The following KCNC2 variants were observed in gnomAD, a reference collection of about 807,000 sequenced individuals.
KCNC2 encodes the protein voltage-gated potassium channel KCNC2.
KCNC2 carries 21 observed loss-of-function variants against 44.5 expected under a neutral mutation model. The observed-to-expected ratio is 0.47, with a 90% CI of 0.33 to 0.68. The LOEUF (loss-of-function observed/expected upper bound fraction) is 0.68, where lower values mean the gene tolerates loss of function less well. Ranked by LOEUF, KCNC2 falls within the 30% of genes least tolerant of loss-of-function variation. The pLI, the probability that KCNC2 is intolerant of heterozygous loss-of-function variation, is 0.01. For synonymous variants in KCNC2, 391 were observed against 339.1 expected (o/e 1.15, Z -1.68); for missense variants, 589 against 826.2 (o/e 0.71, Z 3.52).
intron 2 of KCNC2, among the ~76,000 whole-genome samples, chr12:75,088,195 A>T (rs979639822): frequency 7.9e-5 from 12 of 152,084 alleles, no homozygotes; most frequent in African/African-American, 2.9e-4. Flanking sequence ...TATTTAGCAC[A>T]GGGTCTGGCA....
intron 2 of KCNC2, among the ~76,000 whole-genome samples, chr12:75,184,586 G>A (rs1389748037): frequency 6.6e-6 from 1 of 152,140 alleles, no homozygotes. Flanking sequence ...GAGCTGGTAT[G>A]TGCTCAGATC....
At chr12:75,104,090 G>A (rs1886588020) in intron 2 of KCNC2, among the ~76,000 whole-genome samples, 1 of 151,678 alleles carries the variant, frequency 6.6e-6, no homozygotes, top group East Asian at 2.0e-4. Flanking sequence ...ACATGATGAG[G>A]TGAAGTGAGG....
intron 2 of KCNC2, among the ~76,000 whole-genome samples, chr12:75,080,402 A>G (rs568006429): frequency 1.3e-5 from 2 of 152,242 alleles, no homozygotes; most frequent in South Asian, 4.1e-4. Context: ...AAAAGTATAA[A>G]AAGAAGGAGA....
intron 2 of KCNC2, among the ~76,000 whole-genome samples, chr12:75,153,058 G>A (rs1026399233): frequency 6.6e-6 from 1 of 151,908 alleles, no homozygotes; most frequent in Non-Finnish European, 1.5e-5. Flanking sequence ...GTATCGTGAA[G>A]TAAATTCAGA....
Position 75,145,447 on chromosome 12 carries a change from C to T in KCNC2, c.687+61850G>A, listed in dbSNP as rs569996317. Reference sequence around the variant, plus strand: ...TAAGCCAGCTACATTAAGCTCATATCCTATTTTCTTTTCTTTTATTAAAAA... The same window carrying T: ...TAAGCCAGCTACATTAAGCTCATATTCTATTTTCTTTTCTTTTATTAAAAA... On this transcript the variant is annotated intron_variant, in intron 2 of 4. Coordinates refer to ENST00000549446, the MANE Select transcript of KCNC2 (RefSeq NM_139137.4). Among the ~76,000 whole-genome samples, 8 of 150,138 alleles carry T rather than the reference C, an allele frequency of 5.3e-5. No homozygotes were observed. The East Asian group carries it at 1.6e-3, about 30-fold the overall frequency.
chr12:75,156,422 C>G (rs1890764039), intron 2 of KCNC2, among the ~76,000 whole-genome samples: 1 of 151,746 alleles, frequency 6.6e-6, no homozygotes, highest in Non-Finnish European at 1.5e-5. Flanking sequence ...CATTCTTTTA[C>G]ATAATGCCCA....
At chr12:75,085,509 G>A (rs1255024536) in intron 2 of KCNC2, among the ~76,000 whole-genome samples, 1 of 151,978 alleles carries the variant, frequency 6.6e-6, no homozygotes. Flanking sequence ...CCCATTTTAT[G>A]AATGAGAGCA....
intron 2 of KCNC2, among the ~76,000 whole-genome samples, chr12:75,147,286 G>A (rs1043752586): frequency 4.6e-5 from 7 of 151,992 alleles, no homozygotes; most frequent in African/African-American, 1.7e-4. Context: ...CCAAATAAAT[G>A]GAGAATTTTT....
intron 2 of KCNC2, among the ~76,000 whole-genome samples, chr12:75,064,819 C>T (rs943931842): frequency 2.0e-5 from 3 of 151,792 alleles, no homozygotes; most frequent in Non-Finnish European, 4.4e-5. Context: ...TTTATTGTTT[C>T]GAATACTTGG....
chr12:75,159,658 A>G (rs1890994118), intron 2 of KCNC2, among the ~76,000 whole-genome samples: 1 of 151,894 alleles, frequency 6.6e-6, no homozygotes, highest in African/African-American at 2.4e-5. Flanking sequence ...CAAACACAAA[A>G]GAGCTAAACT....
rs1364292761 is a variant in KCNC2 at position 75,040,522 on chromosome 12, A to T, written c.*2583T>A. 6.5e-6 allele frequency: 1 copy of T among 152,692 alleles called. No homozygotes were observed. The highest frequency in any genetic ancestry group is 1.5e-5 in the Non-Finnish European group (1 of 68,116). 9.5% of individuals were successfully genotyped at this position (152,692 alleles called of 1,614,324 possible). A position where few individuals can be genotyped will look rare whatever the true frequency, so the allele number is the denominator to read the frequency against. On this transcript the variant is annotated 3_prime_UTR_variant, in exon 5 of 5. Transcript: ENST00000549446. Reference sequence around the variant, plus strand: ...TCATTGCCAGAATTATGTTTTTGTAATATTTATAATTGAGGTAATAATGAT... The same window carrying T: ...TCATTGCCAGAATTATGTTTTTGTATTATTTATAATTGAGGTAATAATGAT...
At chr12:75,075,482 T>TATATATATATAC (rs1285443264) in intron 2 of KCNC2, among the ~76,000 whole-genome samples, 4 of 127,260 alleles carry the variant, frequency 3.1e-5, no homozygotes, top group Non-Finnish European at 7.4e-5. Context: ...TATATATATA[T>TATATATATATAC]ACACATATAT....
At chr12:75,072,789 G>A (rs1388281684) in intron 2 of KCNC2, among the ~76,000 whole-genome samples, 4 of 152,028 alleles carry the variant, frequency 2.6e-5, no homozygotes, top group African/African-American at 9.7e-5. Flanking sequence ...TGCTATTTCA[G>A]TAAAGGTTCT....
In KCNC2 at chr12:75,208,003, C is replaced by A. The variant is rs11180405; in HGVS notation, c.-19-1G>T. The stretch of plus-strand genomic sequence containing the variant: ...GCCCATCTCTGTGACTCAGACATGA[C>A]TAGGGGGAGGCAAACACAGCGCCGA... On this transcript the variant is annotated splice_acceptor_variant, in intron 1 of 4. Coordinates refer to ENST00000549446, the MANE Select transcript of KCNC2 (RefSeq NM_139137.4). LOFTEE classifies it low-confidence loss of function (5UTR_SPLICE). 2 of 1,611,104 alleles carry A rather than the reference C, an allele frequency of 1.2e-6. No homozygotes were observed. The highest frequency in any genetic ancestry group is 1.7e-6 in the Non-Finnish European group (2 of 1,179,386).
At chr12:75,092,191 T>C (rs1012809823) in intron 2 of KCNC2, among the ~76,000 whole-genome samples, 1 of 151,606 alleles carries the variant, frequency 6.6e-6, no homozygotes, top group Non-Finnish European at 1.5e-5. Flanking sequence ...TTAAGAACAC[T>C]GCACTTAAGA....
chr12:75,187,596 C>A (rs749852443), intron 2 of KCNC2, among the ~76,000 whole-genome samples: 9 of 152,196 alleles, frequency 5.9e-5, no homozygotes, highest in Non-Finnish European at 8.8e-5. Context: ...ATAGCGAAGG[C>A]CAAAGAGAGT....
At chr12:75,182,520 CAA>C (rs71438888) in intron 2 of KCNC2, among the ~76,000 whole-genome samples, 3,205 of 81,428 alleles carry the variant, frequency 0.039, 56 homozygotes, top group African/African-American at 0.095. Flanking sequence ...GATTCCGTCT[CAA>C]AAAAAAAAAA....
chr12:75,201,122 G>T (rs1406043125), intron 2 of KCNC2, among the ~76,000 whole-genome samples: 2 of 151,056 alleles, frequency 1.3e-5, no homozygotes, highest in African/African-American at 2.4e-5. Context: ...ATGATTTCCT[G>T]AGATCAATAT....
chr12:75,053,913 A>T (rs1881458024), intron 2 of KCNC2, among the ~76,000 whole-genome samples: 1 of 151,528 alleles, frequency 6.6e-6, no homozygotes, highest in African/African-American at 2.4e-5. Flanking sequence ...GAGGTAGATG[A>T]TTATTTTGCT....
Sources: allele counts gnomAD v4.1 joint callset (sites outside exome capture counted in the v4.1 genomes callset), GRCh38; gene constraint gnomAD v4.1.1; transcripts MANE v1.5; gene names NCBI Gene and HGNC (gene_info 2026-07-23, HGNC 2026-07-21).